MALRD1: variants seen among roughly 807,000 people sequenced by gnomAD.
MALRD1 encodes MAM and LDL-receptor class A domain-containing protein 1.
In MALRD1, 247 loss-of-function variants were observed where a neutral mutation model predicts 242.1. The observed-to-expected ratio is 1.02, with a 90% CI of 0.92 to 1.13. The LOEUF (loss-of-function observed/expected upper bound fraction) is 1.13. Ranked by LOEUF, MALRD1 falls within the 50% of genes most tolerant of loss-of-function variation. The pLI, the probability that MALRD1 is intolerant of heterozygous loss-of-function variation, is 0.00. For synonymous variants in MALRD1, 995 were observed against 866.6 expected, an observed-to-expected ratio of 1.15 and a Z score of -2.60; for missense variants, 2,989 against 2,533.1, an observed-to-expected ratio of 1.18 and a Z score of -3.86.
chr10:19,599,746 G>T (rs924750550), intron 34 of MALRD1, among the ~76,000 whole-genome samples: 1 of 152,156 alleles, frequency 6.6e-6, no homozygotes, highest in Non-Finnish European at 1.5e-5. Context: ...CAAAGAGTGT[G>T]AGAGGAGGTT....
At chr10:19,253,392 T>C (rs1839378373) in intron 18 of MALRD1, among the ~76,000 whole-genome samples, 1 of 152,032 alleles carries the variant, frequency 6.6e-6, no homozygotes. Context: ...AAATGCTTTG[T>C]ATTTGTTTAT....
chr10:19,157,174 T>C (rs1286802209), intron 12 of MALRD1, among the ~76,000 whole-genome samples: 1 of 152,144 alleles, frequency 6.6e-6, no homozygotes, highest in Admixed American at 6.6e-5. Context: ...TAGTCTGAGA[T>C]ACACATAGCT....
intron 36 of MALRD1, among the ~76,000 whole-genome samples, chr10:19,644,131 A>G (rs1840539437): frequency 6.6e-6 from 1 of 152,126 alleles, no homozygotes; most frequent in Non-Finnish European, 1.5e-5. Context: ...ATTCCCTTCA[A>G]TGGACTCTCC....
chr10:19,133,602 T>C (rs1289821133), intron 8 of MALRD1, among the ~76,000 whole-genome samples: 1 of 152,162 alleles, frequency 6.6e-6, no homozygotes, highest in African/African-American at 2.4e-5. Context: ...TTTTAAAAGA[T>C]TTCATCCAAA....
intron 33 of MALRD1, among the ~76,000 whole-genome samples, chr10:19,577,402 G>A (rs1192629852): frequency 1.3e-5 from 2 of 152,162 alleles, no homozygotes; most frequent in African/African-American, 4.8e-5. Context: ...GCCATTAAAT[G>A]CTAATACCAG....
chr10:19,377,672 C>A (rs1227160326), intron 26 of MALRD1, among the ~76,000 whole-genome samples: 3 of 151,232 alleles, frequency 2.0e-5, no homozygotes, highest in African/African-American at 7.3e-5. Flanking sequence ...AATCCTATAA[C>A]CATTAATGAA....
At chr10:19,514,538 A>C (rs1030245589) in intron 31 of MALRD1, among the ~76,000 whole-genome samples, 4 of 152,174 alleles carry the variant, frequency 2.6e-5, no homozygotes, top group African/African-American at 9.6e-5. Flanking sequence ...TTGAAAAATA[A>C]GAGGTTTTGA....
At chr10:19,643,741 A>C (rs192671487) in intron 36 of MALRD1, among the ~76,000 whole-genome samples, 1 of 152,208 alleles carries the variant, frequency 6.6e-6, no homozygotes, top group African/African-American at 2.4e-5. Context: ...CCCTTCCTTG[A>C]AGCATGCATT....
chr10:19,312,843 C>A (rs529443787), intron 21 of MALRD1, among the ~76,000 whole-genome samples: 32 of 151,516 alleles, frequency 2.1e-4, no homozygotes, highest in African/African-American at 7.2e-4. Flanking sequence ...AATGCTACTG[C>A]AGGTGAATTA....
intron 11 of MALRD1, among the ~76,000 whole-genome samples, chr10:19,149,128 C>T (rs1564423933): frequency 1.3e-5 from 2 of 151,748 alleles, no homozygotes; most frequent in South Asian, 2.1e-4. Flanking sequence ...ATCTATCTAA[C>T]TAGCTGAGAC....
chr10:19,651,760 G>A (rs1840904704), intron 36 of MALRD1, among the ~76,000 whole-genome samples: 1 of 152,190 alleles, frequency 6.6e-6, no homozygotes, highest in Non-Finnish European at 1.5e-5. Flanking sequence ...TAGAAAGAAT[G>A]CCATGAGATC....
At chr10:19,630,691 G>A (rs1440788488) in intron 36 of MALRD1, among the ~76,000 whole-genome samples, 3 of 151,898 alleles carry the variant, frequency 2.0e-5, no homozygotes, top group Admixed American at 6.6e-5. Context: ...TATTGTTTAT[G>A]GATTTTATGG....
At chr10:19,497,573 G>A (rs1837778759) in intron 30 of MALRD1, among the ~76,000 whole-genome samples, 1 of 151,984 alleles carries the variant, frequency 6.6e-6, no homozygotes, top group African/African-American at 2.4e-5. Flanking sequence ...TATTCTTACA[G>A]CAAGGCTTTT....
intron 21 of MALRD1, among the ~76,000 whole-genome samples, chr10:19,322,345 C>A (rs951196500): frequency 9.9e-5 from 15 of 152,030 alleles, no homozygotes; most frequent in Non-Finnish European, 2.9e-5. Context: ...AATGATAATT[C>A]TGCGTCTTAA....
intron 4 of MALRD1, among the ~76,000 whole-genome samples, chr10:19,101,634 A>C (rs1836260848): frequency 1.5e-5 from 2 of 135,378 alleles, no homozygotes; most frequent in Non-Finnish European, 1.5e-5. Context: ...ACATATGCAA[A>C]ATATATACAA....
intron 31 of MALRD1, among the ~76,000 whole-genome samples, chr10:19,518,694 A>G (rs11813491): frequency 0.21 from 31,576 of 151,812 alleles, 5,022 homozygotes; most frequent in African/African-American, 0.45. Flanking sequence ...CTAAAATACA[A>G]TTATCTTTGT....
intron 11 of MALRD1, among the ~76,000 whole-genome samples, chr10:19,152,337 A>G (rs767405771): frequency 2.0e-5 from 3 of 152,216 alleles, no homozygotes; most frequent in Non-Finnish European, 4.4e-5. Flanking sequence ...TTACCTGCAC[A>G]TATTAATTTT....
At chr10:19,598,075 G>A (rs539136954) in intron 34 of MALRD1, among the ~76,000 whole-genome samples, 3 of 152,216 alleles carry the variant, frequency 2.0e-5, no homozygotes, top group Non-Finnish European at 2.9e-5. Context: ...GCTATATAAC[G>A]GTACTTAACT....
chr10:19,690,159 G>A (rs907177509), intron 36 of MALRD1, among the ~76,000 whole-genome samples: 7 of 151,834 alleles, frequency 4.6e-5, no homozygotes, highest in African/African-American at 7.3e-5. Flanking sequence ...ATAAAGATAC[G>A]GATAAATCAT....
Sources: gnomAD v4.1 joint callset for allele counts (sites outside exome capture counted in the v4.1 genomes callset) on GRCh38, gnomAD v4.1.1 for gene constraint, MANE v1.5 for transcripts, NCBI Gene and HGNC (gene_info 2026-07-23, HGNC 2026-07-21) for gene names.